The following MARCHF3 variants were observed in gnomAD, a reference collection of about 807,000 sequenced individuals.
MARCHF3 encodes E3 ubiquitin-protein ligase MARCHF3.
MARCHF3 carries 13 observed loss-of-function variants against 24.2 expected under a neutral mutation model. That is an observed-to-expected ratio of 0.54 (90% CI 0.35 to 0.85). The LOEUF is 0.85. Ranked by LOEUF, MARCHF3 falls within the 40% of genes least tolerant of loss-of-function variation. The probability of loss-of-function intolerance (pLI) is 0.01; values close to 1 mark genes in which losing one functional copy is unlikely to be tolerated. For synonymous variants in MARCHF3, 144 were observed against 137.3 expected, an observed-to-expected ratio of 1.05 and a Z score of -0.34; for missense variants, 276 against 325.0, an observed-to-expected ratio of 0.85 and a Z score of 1.16.
intron 1 of MARCHF3, among the ~76,000 whole-genome samples, chr5:126,955,096 A>T (rs1750395448): frequency 6.6e-6 from 1 of 152,152 alleles, no homozygotes; most frequent in African/African-American, 2.4e-5. Flanking sequence ...ATACATATGG[A>T]TCTAATTTAT....
intron 3 of MARCHF3, among the ~76,000 whole-genome samples, chr5:126,891,870 T>C (rs1669704435): frequency 7.1e-6 from 1 of 140,854 alleles, no homozygotes; most frequent in Non-Finnish European, 1.5e-5. Flanking sequence ...ATCTGTAAAT[T>C]ACCTTGGGCA....
At chr5:126,930,622 C>G (rs764059785) in intron 1 of MARCHF3, among the ~76,000 whole-genome samples, 1 of 152,222 alleles carries the variant, frequency 6.6e-6, no homozygotes, top group Non-Finnish European at 1.5e-5. Context: ...AGAACCATAC[C>G]CTGCTCCAGC....
intron 1 of MARCHF3, among the ~76,000 whole-genome samples, chr5:126,936,382 G>A (rs1177971522): frequency 6.6e-6 from 1 of 152,142 alleles, no homozygotes; most frequent in Non-Finnish European, 1.5e-5. Flanking sequence ...CCAGGGAAAG[G>A]TTAAATAAAT....
chr5:126,989,908 G>A (rs1751694603), intron 1 of MARCHF3, among the ~76,000 whole-genome samples: 1 of 152,132 alleles, frequency 6.6e-6, no homozygotes, highest in Admixed American at 6.5e-5. Context: ...CAGATCACCT[G>A]AAGTCAGGAG....
At chr5:126,909,701 G>T (rs979160534) in intron 3 of MARCHF3, among the ~76,000 whole-genome samples, 2 of 152,036 alleles carry the variant, frequency 1.3e-5, no homozygotes, top group African/African-American at 4.8e-5. Flanking sequence ...ACTGACCTGG[G>T]CCCACTGTCT....
chr5:126,903,197 G>C (rs1157508286), intron 3 of MARCHF3, among the ~76,000 whole-genome samples: 2 of 152,148 alleles, frequency 1.3e-5, no homozygotes, highest in East Asian at 3.9e-4. Context: ...GGTGAGAGAA[G>C]TCACCCAGTC....
At chr5:126,965,021 TAAAAA>T (rs56350286) in intron 1 of MARCHF3, among the ~76,000 whole-genome samples, 1 of 101,518 alleles carries the variant, frequency 9.9e-6, no homozygotes, top group African/African-American at 3.4e-5. Flanking sequence ...ATGTTCTTAG[TAAAAA>T]AAAAAAAAAA....
At chr5:127,023,510 C>T (rs981892060) in intron 1 of MARCHF3, among the ~76,000 whole-genome samples, 1 of 152,080 alleles carries the variant, frequency 6.6e-6, no homozygotes, top group Non-Finnish European at 1.5e-5. Context: ...GTGGGCAGAT[C>T]ACTTGAGGTC....
intron 1 of MARCHF3, among the ~76,000 whole-genome samples, chr5:126,919,898 T>C (rs1394450838): frequency 6.6e-6 from 1 of 152,176 alleles, no homozygotes; most frequent in Non-Finnish European, 1.5e-5. Flanking sequence ...ACTCCAGTCC[T>C]TGTCTGAGAC....
At chr5:126,980,455 C>T (rs565371570) in intron 1 of MARCHF3, among the ~76,000 whole-genome samples, 7 of 151,772 alleles carry the variant, frequency 4.6e-5, no homozygotes, top group South Asian at 4.2e-4. Context: ...ACTGCAATCT[C>T]TGCCTCCCGG....
chr5:126,957,315 A>G (rs1750482831), intron 1 of MARCHF3, among the ~76,000 whole-genome samples: 1 of 152,188 alleles, frequency 6.6e-6, no homozygotes, highest in East Asian at 1.9e-4. Flanking sequence ...CTTTAAAAAC[A>G]TTCAGTTATT....
chr5:127,021,165 T>C (rs1414415410), intron 1 of MARCHF3, among the ~76,000 whole-genome samples: 1 of 152,006 alleles, frequency 6.6e-6, no homozygotes, highest in African/African-American at 2.4e-5. Flanking sequence ...AGTGAAAATA[T>C]TAGGGACCAG....
At chr5:126,996,464 AG>A (rs1264417190) in intron 1 of MARCHF3, among the ~76,000 whole-genome samples, 1 of 152,038 alleles carries the variant, frequency 6.6e-6, no homozygotes, top group Non-Finnish European at 1.5e-5. Context: ...AAAGCATTTC[AG>A]CTGGGTCCCT....
chr5:126,935,601 C>CTTTT (rs202058243), intron 1 of MARCHF3, among the ~76,000 whole-genome samples: 23 of 70,592 alleles, frequency 3.3e-4, no homozygotes, highest in South Asian at 5.8e-4. Flanking sequence ...GTATATATGG[C>CTTTT]TTTTTTTTTT....
intron 1 of MARCHF3, among the ~76,000 whole-genome samples, chr5:126,955,799 A>T (rs1162950348): frequency 6.6e-6 from 1 of 152,162 alleles, no homozygotes; most frequent in African/African-American, 2.4e-5. Context: ...TGCATAAAAT[A>T]GTTTTACTTC....
chr5:126,981,828 G>T (rs1479192348), intron 1 of MARCHF3, among the ~76,000 whole-genome samples: 1 of 152,206 alleles, frequency 6.6e-6, no homozygotes, highest in Non-Finnish European at 1.5e-5. Context: ...GTGAAATTTA[G>T]TTCTTCATAT....
chr5:127,026,585 T>C (rs1055328104), intron 1 of MARCHF3, among the ~76,000 whole-genome samples: 6 of 152,218 alleles, frequency 3.9e-5, no homozygotes, highest in Admixed American at 3.3e-4. Flanking sequence ...GGTTAAAAAA[T>C]TGTAGATGAT....
At chr5:126,900,874 G>A (rs953848233) in intron 3 of MARCHF3, among the ~76,000 whole-genome samples, 2 of 151,822 alleles carry the variant, frequency 1.3e-5, no homozygotes, top group East Asian at 3.9e-4. Flanking sequence ...GCTAATTTTT[G>A]TGTTTTCAGT....
intron 1 of MARCHF3, among the ~76,000 whole-genome samples, chr5:126,977,642 T>C (rs1356928323): frequency 6.6e-6 from 1 of 152,202 alleles, no homozygotes; most frequent in East Asian, 1.9e-4. Context: ...GAAATATCAA[T>C]TCCAGAAATT....
Sources: gnomAD v4.1 joint callset for allele counts (sites outside exome capture counted in the v4.1 genomes callset) on GRCh38, gnomAD v4.1.1 for gene constraint, MANE v1.5 for transcripts, NCBI Gene and HGNC (gene_info 2026-07-23, HGNC 2026-07-21) for gene names.